Variants in FAM117A observed in about 807,000 individuals in gnomAD.
FAM117A encodes the protein family with sequence similarity 117 member A.
A neutral mutation model predicts 44.1 loss-of-function variants in FAM117A; 21 were observed. That is an observed-to-expected ratio of 0.48 (90% CI 0.34 to 0.69). FAM117A has a LOEUF of 0.69. FAM117A is among the 30% of genes least tolerant of loss of function. The pLI is 0.01. For synonymous variants in FAM117A, 220 were observed against 238.3 expected, an observed-to-expected ratio of 0.92 and a Z score of 0.71; for missense variants, 498 against 589.9, an observed-to-expected ratio of 0.84 and a Z score of 1.61.
At chr17:49,734,366 G>A (rs1231856785) in intron 1 of FAM117A, among the ~76,000 whole-genome samples, 3 of 151,936 alleles carry the variant, frequency 2.0e-5, no homozygotes, top group Admixed American at 6.6e-5. Context: ...GCCGAGGCAG[G>A]CGGATCACGA....
chr17:49,778,296 C>T (rs1031441664), intron 1 of FAM117A, among the ~76,000 whole-genome samples: 2 of 152,204 alleles, frequency 1.3e-5, no homozygotes, highest in African/African-American at 2.4e-5. Context: ...CTATTAAGTG[C>T]CAGGCATCAT....
chr17:49,736,074 CTG>C (rs1567830460), intron 1 of FAM117A, among the ~76,000 whole-genome samples: 1 of 152,000 alleles, frequency 6.6e-6, no homozygotes, highest in African/African-American at 2.4e-5. Context: ...CTTACCTCTT[CTG>C]TGTGTGTGTA....
At chr17:49,713,135 G>A (rs926825146) in intron 7 of FAM117A, among the ~76,000 whole-genome samples, 11 of 151,704 alleles carry the variant, frequency 7.3e-5, no homozygotes, top group Non-Finnish European at 2.9e-5. Flanking sequence ...TGATCCTCCT[G>A]CCTTGGCCTC....
At chr17:49,760,802 G>A (rs927307435) in intron 1 of FAM117A, among the ~76,000 whole-genome samples, 1 of 152,194 alleles carries the variant, frequency 6.6e-6, no homozygotes, top group African/African-American at 2.4e-5. Flanking sequence ...AAAGTCAGCG[G>A]CCTCTAACTG....
intron 4 of FAM117A, 48 bp downstream of exon 4, chr17:49,720,278 C>G (rs975352016): frequency 6.9e-7 from 1 of 1,455,378 alleles, no homozygotes; most frequent in African/African-American, 1.4e-5. Flanking sequence ...TATAGGGGGG[C>G]CTGCATGGAG....
intron 1 of FAM117A, among the ~76,000 whole-genome samples, chr17:49,747,442 G>T (rs73335270): frequency 0.037 from 5,682 of 152,156 alleles, 357 homozygotes; most frequent in African/African-American, 0.13. Flanking sequence ...TTTTGCTCTG[G>T]GCTATGGGGA....
At chr17:49,777,929 T>C (rs567106936) in intron 1 of FAM117A, among the ~76,000 whole-genome samples, 77 of 152,314 alleles carry the variant, frequency 5.1e-4, no homozygotes, top group African/African-American at 1.7e-3. Flanking sequence ...CTGAAGGTGA[T>C]AACATGGAGG....
intron 5 of FAM117A, among the ~76,000 whole-genome samples, chr17:49,718,705 C>T (rs576551906): frequency 2.3e-4 from 34 of 147,128 alleles, no homozygotes; most frequent in Admixed American, 2.0e-4. Flanking sequence ...TGCCTGAGAC[C>T]AGCACGGTGG....
intron 5 of FAM117A, 76 bp from the exon 6 acceptor site, chr17:49,717,790 T>C (rs1308965358): frequency 2.5e-6 from 3 of 1,186,676 alleles, no homozygotes. Context: ...CCCAAGGGTA[T>C]TTCCCTTGCT....
Position 49,710,716 on chromosome 17 carries a change from A to G in FAM117A, c.*539T>C, listed in dbSNP as rs2073473255. 1 of 152,724 alleles carries G rather than the reference A, an allele frequency of 6.5e-6. No individual in the cohort carries two copies. The highest frequency in any genetic ancestry group is 1.5e-5 in the Non-Finnish European group (1 of 68,188). 9.5% of individuals were successfully genotyped at this position (152,724 alleles called of 1,614,324 possible). ...CGAGATGAAAATGCCACTTGGGAAA[A>G]CACTTGTTTCCTCCCTCTGCCAGCA... On this transcript the variant is annotated 3_prime_UTR_variant, in exon 8 of 8. Coordinates refer to ENST00000240364, the MANE Select transcript of FAM117A (RefSeq NM_030802.4).
At chr17:49,747,713 A>G (rs2073659408) in intron 1 of FAM117A, among the ~76,000 whole-genome samples, 1 of 152,132 alleles carries the variant, frequency 6.6e-6, no homozygotes, top group Non-Finnish European at 1.5e-5. Context: ...AGACCACAAC[A>G]TCCCATCTAG....
At chr17:49,764,661 C>T (rs1230205099), upstream of FAM117A, among the ~76,000 whole-genome samples, 1 of 152,124 alleles carries the variant, frequency 6.6e-6, no homozygotes, top group African/African-American at 2.4e-5. Context: ...AGTTTTAAAT[C>T]CTTATAGGAT....
At chr17:49,772,237 A>G (rs1022586925) in intron 1 of FAM117A, among the ~76,000 whole-genome samples, 6 of 151,658 alleles carry the variant, frequency 4.0e-5, no homozygotes, top group Non-Finnish European at 7.4e-5. Flanking sequence ...GGCTGCAGCA[A>G]GCTAATTTTG....
At chr17:49,754,993 G>C (rs1259122797) in intron 1 of FAM117A, among the ~76,000 whole-genome samples, 2 of 139,392 alleles carry the variant, frequency 1.4e-5, no homozygotes, top group Non-Finnish European at 3.0e-5. Flanking sequence ...AGCCGAGATC[G>C]CACCATTGCA....
At chr17:49,758,621 C>CAAAAAAAAAAAAA (rs1182238605) in intron 1 of FAM117A, among the ~76,000 whole-genome samples, 1 of 93,860 alleles carries the variant, frequency 1.1e-5, no homozygotes, top group Admixed American at 1.2e-4. Flanking sequence ...GAGACTGTCT[C>CAAAAAAAAAAAAA]AAAAAAAAAA....
Position 49,711,282 on chromosome 17 carries a change from C to T in FAM117A, c.1335G>A (p.Val445=), listed in dbSNP as rs1598016282. Residue 445 remains valine, a synonymous_variant, in exon 8 of 8, where the codon GTG becomes GTA. Transcript: ENST00000240364. ...WQRTPPSEEP[V]LFQSSLMV ...AGACCATCAGGGAGCTCTGGAAAAG[C>T]ACAGGCTCTTCTGATGGTGGGGTGC... 2 of 1,608,578 alleles carry T rather than the reference C, an allele frequency of 1.2e-6. No homozygotes were observed. The highest frequency in any genetic ancestry group is 1.7e-5 in the Admixed American group (1 of 59,670).
intron 1 of FAM117A, among the ~76,000 whole-genome samples, chr17:49,758,761 G>A (rs1390604793): frequency 3.9e-5 from 6 of 152,116 alleles, no homozygotes; most frequent in Admixed American, 2.6e-4. Flanking sequence ...AGAGTCAAAC[G>A]TGATAGTGTC....
At chr17:49,723,182 C>T (rs67830752) in intron 2 of FAM117A, among the ~76,000 whole-genome samples, 3,468 of 152,224 alleles carry the variant, frequency 0.023, 48 homozygotes, top group Middle Eastern at 0.048. Flanking sequence ...CCCCCAACCC[C>T]TGCCCCCGCT....
chr17:49,717,904 T>C (rs1260395417), intron 5 of FAM117A, 190 bp from the exon 6 acceptor site: 1 of 533,382 alleles, frequency 1.9e-6, no homozygotes, highest in Non-Finnish European at 3.3e-6. Context: ...CTCCTGTTTC[T>C]TCCATAGCAC....
Sources: allele counts gnomAD v4.1 joint callset (sites outside exome capture counted in the v4.1 genomes callset), GRCh38; gene constraint gnomAD v4.1.1; transcripts MANE v1.5; gene names NCBI Gene and HGNC (gene_info 2026-07-23, HGNC 2026-07-21).